PTPRD: variants seen among roughly 807,000 people sequenced by gnomAD.
The protein encoded by PTPRD is receptor-type tyrosine-protein phosphatase delta.
PTPRD carries 34 observed loss-of-function variants against 214.5 expected under a neutral mutation model. The observed-to-expected ratio is 0.16, with a 90% CI of 0.12 to 0.21. The LOEUF (loss-of-function observed/expected upper bound fraction) is 0.21. Ranked by LOEUF, PTPRD falls within the 10% of genes least tolerant of loss-of-function variation. The probability of loss-of-function intolerance (pLI) is 1.00; values close to 1 mark genes in which losing one functional copy is unlikely to be tolerated. For synonymous variants in PTPRD, 1,128 were observed against 845.7 expected (o/e 1.33, Z -5.79); for missense variants, 2,545 against 2,398.7 (o/e 1.06, Z -1.27).
At chr9:10,450,567 T>C (rs556538096) in intron 2 of PTPRD, among the ~76,000 whole-genome samples, 7 of 152,140 alleles carry the variant, frequency 4.6e-5, no homozygotes, top group African/African-American at 1.7e-4. Context: ...ATGCAAAAAC[T>C]GAGAGAGGAG....
At chr9:8,567,342 GA>G (rs1276724234) in intron 14 of PTPRD, among the ~76,000 whole-genome samples, 2 of 152,140 alleles carry the variant, frequency 1.3e-5, no homozygotes, top group African/African-American at 4.8e-5. Context: ...CATAGCTCAG[GA>G]GTCACTTTCT....
rs560255418 is a variant in PTPRD, at chr9:8,996,840, G to A, written c.-104+21857C>T. On this transcript the variant is annotated intron_variant, in intron 11 of 45. Coordinates refer to ENST00000381196, the MANE Select transcript of PTPRD (RefSeq NM_002839.4). The stretch of plus-strand genomic sequence containing the variant: ...CTTTTGGGGTTAGATTTCAATATAT[G>A]AATTTTGGGGGATATAACATTTGGA... Among the ~76,000 whole-genome samples the A allele has an allele frequency of 1.2e-4, 19 of 152,096 alleles. No individual in the cohort carries two copies. The South Asian group carries it at 3.7e-3, about 30-fold the overall frequency.
intron 5 of PTPRD, among the ~76,000 whole-genome samples, chr9:9,787,729 C>T (rs992545821): frequency 2.6e-5 from 4 of 151,580 alleles, no homozygotes; most frequent in Non-Finnish European, 4.4e-5. Flanking sequence ...AAATGACAAA[C>T]AGTAGAAAAA....
At chr9:9,732,370 A>G (rs2098212812) in intron 7 of PTPRD, among the ~76,000 whole-genome samples, 2 of 152,122 alleles carry the variant, frequency 1.3e-5, no homozygotes, top group African/African-American at 4.8e-5. Flanking sequence ...AAGCAGGAGA[A>G]TAAGTGTTTT....
intron 12 of PTPRD, among the ~76,000 whole-genome samples, chr9:8,707,510 G>A (rs906509434): frequency 6.6e-6 from 1 of 152,222 alleles, no homozygotes; most frequent in African/African-American, 2.4e-5. Flanking sequence ...TTGGGACAAA[G>A]TGTTCCTTAA....
intron 28 of PTPRD, 149 bp downstream of exon 28, chr9:8,485,613 G>A (rs1381352486): frequency 2.7e-6 from 2 of 735,114 alleles, no homozygotes; most frequent in African/African-American, 1.8e-5. Flanking sequence ...AGGCATCCAA[G>A]ACGTAGTAAG....
intron 2 of PTPRD, among the ~76,000 whole-genome samples, chr9:10,553,732 G>A (rs967999177): frequency 1.3e-5 from 2 of 152,100 alleles, no homozygotes; most frequent in African/African-American, 4.8e-5. Context: ...CAAAGAGAGA[G>A]AGAAGGAGAA....
intron 14 of PTPRD, 95 bp from the exon 15 acceptor site, chr9:8,528,874 G>A (rs1457440561): frequency 8.1e-7 from 1 of 1,237,376 alleles, no homozygotes. Context: ...CTTACTCAGT[G>A]CTTGTTGAGA....
At chr9:10,312,439 C>T (rs550134211) in intron 3 of PTPRD, among the ~76,000 whole-genome samples, 10 of 151,910 alleles carry the variant, frequency 6.6e-5, no homozygotes, top group Admixed American at 1.3e-4. Flanking sequence ...AATATATAGA[C>T]GCCTTTTAGT....
Position 10,373,534 on chromosome 9 carries a change from G to T in PTPRD, c.-599-32517C>A, listed in dbSNP as rs547975256. ...TGTTTGAAATAAGTAGCTAGAACTG[G>T]ACACTGGATCATTAGTTAAGCTAAT... is the stretch of plus-strand genomic sequence containing the variant. On this transcript the variant is annotated intron_variant, in intron 2 of 45. Coordinates refer to ENST00000381196, the MANE Select transcript of PTPRD (RefSeq NM_002839.4). 4.6e-5 allele frequency among the ~76,000 whole-genome samples: 7 copies of T among 152,206 alleles called. No individual in the cohort carries two copies. The South Asian group carries it at 1.5e-3, about 32-fold the overall frequency.
intron 8 of PTPRD, among the ~76,000 whole-genome samples, chr9:9,419,166 A>ACACACACAC (rs1209794993): frequency 1.1e-5 from 1 of 94,176 alleles, no homozygotes; most frequent in East Asian, 3.0e-4. Context: ...CACACACACA[A>ACACACACAC]GCATGATATA....
Position 9,061,595 on chromosome 9 carries a change from G to C in PTPRD, c.-142-42860C>G, listed in dbSNP as rs1026281266. ...CATGGCTTAGATTATTGGCCAGTTT[G>C]ACTACCCCTAAAAATGTAAGTGGAA... On this transcript the variant is annotated intron_variant, in intron 10 of 45. Transcript: ENST00000381196. Among the ~76,000 whole-genome samples, 4 of 152,182 alleles carry C rather than the reference G, an allele frequency of 2.6e-5. No homozygotes were observed. In the South Asian group the frequency reaches 8.3e-4, roughly 32 times the overall value.
chr9:9,166,538 G>A lies in PTPRD; in HGVS notation c.-143+16766C>T, dbSNP rs571870825. On this transcript the variant is annotated intron_variant, in intron 10 of 45. Coordinates refer to ENST00000381196, the MANE Select transcript of PTPRD (RefSeq NM_002839.4). The stretch of plus-strand genomic sequence containing the variant: ...AAAGTGGTCCCAAGGAAATGCTTAT[G>A]AATCCATCATCCCTACAAAACCTAG... 3.9e-5 allele frequency among the ~76,000 whole-genome samples: 6 copies of A among 152,212 alleles called. No individual in the cohort carries two copies. The South Asian group carries it at 1.2e-3, about 32-fold the overall frequency.
chr9:9,930,592 T>C (rs901643247), intron 5 of PTPRD, among the ~76,000 whole-genome samples: 13 of 152,286 alleles, frequency 8.5e-5, no homozygotes, highest in Admixed American at 4.6e-4. Context: ...AAAAATCTTA[T>C]TGTGATTATA....
At chr9:9,974,453 A>T (rs7873893) in intron 4 of PTPRD, among the ~76,000 whole-genome samples, 1 of 151,984 alleles carries the variant, frequency 6.6e-6, no homozygotes, top group Admixed American at 6.6e-5. Context: ...CCTTTCCACA[A>T]CAGTTCTTTG....
intron 10 of PTPRD, among the ~76,000 whole-genome samples, chr9:9,176,987 T>G (rs1471678457): frequency 6.6e-6 from 1 of 152,192 alleles, no homozygotes; most frequent in African/African-American, 2.4e-5. Flanking sequence ...TAGTTTTTTC[T>G]GTCTGTATAT....
intron 2 of PTPRD, among the ~76,000 whole-genome samples, chr9:10,393,577 G>C (rs36063109): frequency 0.54 from 80,415 of 150,026 alleles, 24,896 homozygotes; most frequent in Non-Finnish European, 0.72. Context: ...GATTGCTTAA[G>C]ACCAGGAGTT....
rs1468665492 is a variant in PTPRD, at chr9:8,375,569, G to GT, written c.4661+366dup. 3.3e-5 allele frequency among the ~76,000 whole-genome samples: 5 copies of GT among 152,008 alleles called. No individual in the cohort carries two copies. In the East Asian group the frequency reaches 9.7e-4, roughly 29 times the overall value. ...TTCCCCTATAAATAGTAAAAAGGTT[G>GT]TATCAGTCCAGCCCACAAGAACTTG... On this transcript the variant is annotated intron_variant, in intron 39 of 45. Transcript: ENST00000381196.
intron 8 of PTPRD, among the ~76,000 whole-genome samples, chr9:9,481,666 A>C (rs1048855150): frequency 2.0e-5 from 3 of 152,116 alleles, no homozygotes; most frequent in African/African-American, 7.2e-5. Flanking sequence ...TTAATGAAGA[A>C]AGAGGTCCAT....
Sources: gnomAD v4.1 joint callset for allele counts (sites outside exome capture counted in the v4.1 genomes callset) on GRCh38, gnomAD v4.1.1 for gene constraint, MANE v1.5 for transcripts, NCBI Gene and HGNC (gene_info 2026-07-23, HGNC 2026-07-21) for gene names.